KPNA5: variants seen among roughly 807,000 people sequenced by gnomAD.
The protein encoded by KPNA5 is importin subunit alpha-6.
In KPNA5, 46 loss-of-function variants were observed where a neutral mutation model predicts 71.3. The observed-to-expected ratio is 0.65, with a 90% CI of 0.51 to 0.83. KPNA5 has a LOEUF of 0.83. Ranked by LOEUF, KPNA5 falls within the 40% of genes least tolerant of loss-of-function variation. KPNA5 has a pLI of 0.00. For missense variants in KPNA5, 547 were observed against 628.3 expected (o/e 0.87, Z 1.38); for synonymous variants, 207 against 201.4 (o/e 1.03, Z -0.24).
rs560034269 is a variant in KPNA5, at chr6:116,729,505, A to G, written c.1254-58A>G. The G allele has an allele frequency of 4.5e-6, 5 of 1,110,702 alleles. No homozygotes were observed. The South Asian group carries it at 1.3e-4, about 30-fold the overall frequency. 68.8% of individuals were successfully genotyped at this position (1,110,702 alleles called of 1,614,324 possible). Reference sequence around the variant, plus strand: ...TTTTTGTGTCATTGTTACAAACAGTACTTAAGTCTTTTTAAATCTTTTTTT... The same window carrying G: ...TTTTTGTGTCATTGTTACAAACAGTGCTTAAGTCTTTTTAAATCTTTTTTT... On this transcript the variant is annotated intron_variant, in intron 12 of 13. Coordinates refer to ENST00000368564, the MANE Select transcript of KPNA5 (RefSeq NM_001366306.2).
rs1583458997 is a variant in KPNA5 at position 116,740,310 on chromosome 6, G to T, written c.*7987G>T. The T allele has an allele frequency of 6.6e-6, 1 of 152,162 alleles. No homozygotes were observed. The highest frequency in any genetic ancestry group is 2.4e-5 in the African/African-American group (1 of 41,440). The allele number at this position is 152,162 out of a possible 1,614,324, so 9.4% of individuals were successfully genotyped here. A position where few individuals can be genotyped will look rare whatever the true frequency, so the allele number is the denominator to read the frequency against. On this transcript the variant is annotated 3_prime_UTR_variant, in exon 14 of 14. Transcript: ENST00000368564. ...CACAATGAGATACCATCTCACACCAGTCAGAATGGCAATCATTAAAAAGTC... is the reference window on the plus strand; with the variant it reads ...CACAATGAGATACCATCTCACACCATTCAGAATGGCAATCATTAAAAAGTC...
intron 4 of KPNA5, among the ~76,000 whole-genome samples, chr6:116,695,317 C>T (rs147160672): frequency 1.4e-3 from 215 of 151,762 alleles, no homozygotes; most frequent in African/African-American, 5.1e-3. Flanking sequence ...GAATATTTTG[C>T]CTTATTTATT....
intron 7 of KPNA5, among the ~76,000 whole-genome samples, chr6:116,710,158 T>C (rs1256376025): frequency 6.6e-6 from 1 of 152,096 alleles, no homozygotes; most frequent in Non-Finnish European, 1.5e-5. Flanking sequence ...ATTAATATGG[T>C]TTATTATTTT....
At chr6:116,688,234 T>G (rs1236939070) in intron 1 of KPNA5, among the ~76,000 whole-genome samples, 2 of 152,290 alleles carry the variant, frequency 1.3e-5, no homozygotes, top group East Asian at 3.9e-4. Context: ...TTTAGTGTAC[T>G]CCTTACAATA....
At chr6:116,723,682 ATAGTAT>A (rs141457083) in intron 9 of KPNA5, among the ~76,000 whole-genome samples, 5,350 of 152,248 alleles carry the variant, frequency 0.035, 289 homozygotes, top group African/African-American at 0.11. Context: ...AGTTAGAATG[ATAGTAT>A]TAGAAATACA....
rs144546031 is a variant in KPNA5 at position 116,691,905 on chromosome 6, A to G, written c.139-150A>G. 3.2e-3 allele frequency: 2,091 copies of G among 660,700 alleles called. 13 individuals are homozygous for G. The highest frequency in any genetic ancestry group is 0.027 in the African/African-American group (1,463 of 54,310). 40.9% of individuals were successfully genotyped at this position (660,700 alleles called of 1,614,324 possible). On this transcript the variant is annotated intron_variant, in intron 2 of 13. Coordinates refer to ENST00000368564, the MANE Select transcript of KPNA5 (RefSeq NM_001366306.2). Reference sequence around the variant, plus strand: ...CATAAATACCTTAGATCTTCCTAGTATAATGATTGGGAAATACTCAAATAT... The same window carrying G: ...CATAAATACCTTAGATCTTCCTAGTGTAATGATTGGGAAATACTCAAATAT...
At chr6:116,704,925 AT>A (rs1365395287) in intron 6 of KPNA5, 146 bp from the exon 7 acceptor site, 16 of 592,894 alleles carry the variant, frequency 2.7e-5, no homozygotes, top group Non-Finnish European at 3.7e-5. Flanking sequence ...AAAATATTAA[AT>A]TGAATTTTAA....
chr6:116,719,123 T>C (rs574621696), intron 8 of KPNA5, among the ~76,000 whole-genome samples: 22 of 152,202 alleles, frequency 1.4e-4, no homozygotes, highest in Non-Finnish European at 2.1e-4. Flanking sequence ...ATCTTTTCAA[T>C]AAGTAGTTGT....
chr6:116,707,660 A>T (rs554768640), intron 7 of KPNA5, among the ~76,000 whole-genome samples: 1 of 152,258 alleles, frequency 6.6e-6, no homozygotes, highest in African/African-American at 2.4e-5. Flanking sequence ...AACTCTTAGC[A>T]TACAAAAGCA....
At chr6:116,725,273 A>G (rs1403576707) in intron 10 of KPNA5, among the ~76,000 whole-genome samples, 2 of 152,234 alleles carry the variant, frequency 1.3e-5, no homozygotes, top group Non-Finnish European at 2.9e-5. Flanking sequence ...ATGTAAAGGG[A>G]CAATGCAGAA....
Position 116,735,835 on chromosome 6 carries a change from A to C in KPNA5, c.*3512A>C, listed in dbSNP as rs932203933. The C allele has an allele frequency of 2.0e-5, 3 of 151,866 alleles. No homozygotes were observed. The highest frequency in any genetic ancestry group is 4.4e-5 in the Non-Finnish European group (3 of 67,822). 9.4% of individuals were successfully genotyped at this position (151,866 alleles called of 1,614,324 possible). A position where few individuals can be genotyped will look rare whatever the true frequency, so the allele number is the denominator to read the frequency against. On this transcript the variant is annotated 3_prime_UTR_variant, in exon 14 of 14. Transcript: ENST00000368564. ...AACAAATGAAGATGGAACAAATAGCAAGAAAGATCAAACTCAGTTATATCA... is the reference window on the plus strand; with the variant it reads ...AACAAATGAAGATGGAACAAATAGCCAGAAAGATCAAACTCAGTTATATCA...
At chr6:116,711,887 T>G (rs1395375460) in intron 7 of KPNA5, among the ~76,000 whole-genome samples, 2 of 152,124 alleles carry the variant, frequency 1.3e-5, no homozygotes, top group African/African-American at 2.4e-5. Context: ...TCCCGAAGTG[T>G]TGGGATTACA....
At chr6:116,706,902 G>A (rs962668070) in intron 7 of KPNA5, among the ~76,000 whole-genome samples, 2 of 152,106 alleles carry the variant, frequency 1.3e-5, no homozygotes, top group African/African-American at 2.4e-5. Flanking sequence ...AGTGGCTCAC[G>A]CCTGTAATCC....
intron 6 of KPNA5, among the ~76,000 whole-genome samples, chr6:116,702,472 C>G (rs1778266334): frequency 1.3e-5 from 2 of 152,040 alleles, no homozygotes; most frequent in Non-Finnish European, 2.9e-5. Flanking sequence ...CACTTGAGGC[C>G]AGGAGTTTGA....
At chr6:116,699,640 A>G (rs999713983) in intron 5 of KPNA5, among the ~76,000 whole-genome samples, 8 of 152,230 alleles carry the variant, frequency 5.3e-5, no homozygotes, top group Non-Finnish European at 1.0e-4. Context: ...AATGTTTACA[A>G]TAAGGGTCTC....
chr6:116,685,321 G>A (rs1278105134), intron 1 of KPNA5, among the ~76,000 whole-genome samples: 1 of 152,186 alleles, frequency 6.6e-6, no homozygotes, highest in Non-Finnish European at 1.5e-5. Context: ...AGGGGCACAT[G>A]TGCAAGCTTG....
chr6:116,721,956 TC>T (rs1212594901), intron 8 of KPNA5, among the ~76,000 whole-genome samples, 169 bp from the exon 9 acceptor site: 1 of 152,200 alleles, frequency 6.6e-6, no homozygotes, highest in Admixed American at 6.5e-5. Flanking sequence ...ATAATAGTAG[TC>T]ATAATCAGCT....
chr6:116,736,645 T>A lies in KPNA5; in HGVS notation c.*4322T>A, dbSNP rs905310315. Reference sequence around the variant, plus strand: ...TCCTAGGATCCATGGATTTATAGTTTTCATCAAATTTGAAAACACAGCAAT... The same window carrying A: ...TCCTAGGATCCATGGATTTATAGTTATCATCAAATTTGAAAACACAGCAAT... On this transcript the variant is annotated 3_prime_UTR_variant, in exon 14 of 14. Transcript: ENST00000368564. The A allele has an allele frequency of 1.3e-5, 2 of 152,096 alleles. No individual in the cohort carries two copies. Among genetic ancestry groups the A allele is most frequent in the African/African-American group, 4.8e-5 (2 of 41,544 alleles). The allele number at this position is 152,096 out of a possible 1,614,324, so 9.4% of individuals were successfully genotyped here.
At chr6:116,730,870 G>C (rs1217380490) in intron 13 of KPNA5, among the ~76,000 whole-genome samples, 1 of 146,582 alleles carries the variant, frequency 6.8e-6, no homozygotes, top group Non-Finnish European at 1.5e-5. Context: ...TTTTTTTTTT[G>C]GTAAAAATTT....
Sources: gnomAD v4.1 joint callset for allele counts (sites outside exome capture counted in the v4.1 genomes callset) on GRCh38, gnomAD v4.1.1 for gene constraint, MANE v1.5 for transcripts, NCBI Gene and HGNC (gene_info 2026-07-23, HGNC 2026-07-21) for gene names.